The following PTPRN2 variants were observed in gnomAD, a reference collection of about 807,000 sequenced individuals.
The protein encoded by PTPRN2 is receptor-type tyrosine-protein phosphatase N2.
PTPRN2 carries 74 observed loss-of-function variants against 118.8 expected under a neutral mutation model. The ratio of observed to expected loss-of-function variants is 0.62; its 90% CI spans 0.52 to 0.76. PTPRN2 has a LOEUF of 0.76. PTPRN2 is among the 30% of genes least tolerant of loss of function. The pLI is 0.00. For synonymous variants in PTPRN2, 641 were observed against 608.0 expected, an observed-to-expected ratio of 1.05 and a Z score of -0.80; for missense variants, 1,481 against 1,394.4, an observed-to-expected ratio of 1.06 and a Z score of -0.99.
At chr7:157,878,054 T>C (rs994974718) in intron 12 of PTPRN2, among the ~76,000 whole-genome samples, 4 of 152,264 alleles carry the variant, frequency 2.6e-5, no homozygotes, top group Admixed American at 6.5e-5. Flanking sequence ...TCTCTGACTC[T>C]GAAGGGCCTG....
intron 11 of PTPRN2, among the ~76,000 whole-genome samples, chr7:158,071,300 GGTGGAGGTGCCCATGGTA>G (rs1267399679): frequency 6.5e-5 from 7 of 108,064 alleles, no homozygotes; most frequent in Non-Finnish European, 9.4e-5. Flanking sequence ...AGGTGCTCGT[GGTGGAGGTGCCCATGGTA>G]GTGGAGGTGC....
At chr7:158,188,271 C>CG in intron 5 of PTPRN2, among the ~76,000 whole-genome samples, 1 of 110,154 alleles carries the variant, frequency 9.1e-6, no homozygotes, top group African/African-American at 3.6e-5. Context: ...ACGCTCGCCC[C>CG]CTGTATGGGG....
chr7:157,606,167 C>T (rs967714552), intron 15 of PTPRN2, among the ~76,000 whole-genome samples: 1 of 152,218 alleles, frequency 6.6e-6, no homozygotes, highest in Admixed American at 6.5e-5. Context: ...GCTGTGACAG[C>T]GCCCGGGCTC....
chr7:157,608,847 C>T (rs763817658), intron 15 of PTPRN2, among the ~76,000 whole-genome samples: 17 of 152,134 alleles, frequency 1.1e-4, no homozygotes, highest in Non-Finnish European at 1.2e-4. Context: ...AGAGCAATGG[C>T]GGGAACCACA....
rs1464275985 is a variant in PTPRN2, at chr7:158,480,006, C to T, written c.163+9729G>A. 2.0e-5 allele frequency among the ~76,000 whole-genome samples: 3 copies of T among 152,242 alleles called. No homozygotes were observed. In the East Asian group the frequency reaches 5.8e-4, roughly 29 times the overall value. On this transcript the variant is annotated intron_variant, in intron 2 of 22. Coordinates refer to ENST00000389418, the MANE Select transcript of PTPRN2 (RefSeq NM_002847.5). Reference sequence around the variant, plus strand: ...ATTTCCCAATTGGGATTCTAGATTCCAAGAAGGTAGGGTCTGGCAACTGTT... The same window carrying T: ...ATTTCCCAATTGGGATTCTAGATTCTAAGAAGGTAGGGTCTGGCAACTGTT...
At chr7:158,317,014 G>A in intron 2 of PTPRN2, 82 bp from the exon 3 acceptor site, 1 of 1,054,160 alleles carries the variant, frequency 9.5e-7, no homozygotes, top group Non-Finnish European at 1.4e-6. Flanking sequence ...TCCTTGCAAT[G>A]CGTTCTGATC....
Position 157,779,348 on chromosome 7 carries a change from C to G in PTPRN2, c.1789-96411G>C, listed in dbSNP as rs910765911. ...CTGAGGTGAAAGGTCACGTGCTGGT[C>G]GCTTGTGCTGAGCAAGGCCTTGCTT... is the stretch of plus-strand genomic sequence containing the variant. On this transcript the variant is annotated intron_variant, in intron 12 of 22. Transcript: ENST00000389418. The surrounding 1 kb of genome is among the most constrained non-coding windows in gnomAD (Gnocchi z 4.7). 1.3e-5 allele frequency among the ~76,000 whole-genome samples: 2 copies of G among 152,148 alleles called. No individual in the cohort carries two copies. Among genetic ancestry groups the G allele is most frequent in the African/African-American group, 2.4e-5 (1 of 41,430 alleles).
At chr7:158,531,456 G>A (rs1563403356) in intron 1 of PTPRN2, among the ~76,000 whole-genome samples, 1 of 152,220 alleles carries the variant, frequency 6.6e-6, no homozygotes, top group Non-Finnish European at 1.5e-5. Context: ...AGAAACAGCA[G>A]GTGTTCCCTG....
intron 2 of PTPRN2, among the ~76,000 whole-genome samples, chr7:158,422,782 G>A (rs538402516): frequency 4.9e-4 from 74 of 151,556 alleles, no homozygotes; most frequent in African/African-American, 1.7e-3. Context: ...CGTCACACCT[G>A]GGCTGACACT....
At chr7:157,702,370 T>A (rs749554278) in intron 12 of PTPRN2, among the ~76,000 whole-genome samples, 6 of 152,112 alleles carry the variant, frequency 3.9e-5, no homozygotes, top group Non-Finnish European at 7.4e-5. Flanking sequence ...GAAAGCCTGG[T>A]AGGTGCTGGT....
chr7:158,213,205 C>CG (rs1827726720), intron 3 of PTPRN2, among the ~76,000 whole-genome samples: 3 of 94,762 alleles, frequency 3.2e-5, no homozygotes, highest in African/African-American at 9.1e-5. Context: ...TGGCTCTGTG[C>CG]TTGTGTGTGT....
At chr7:158,044,802 G>A (rs1056206052) in intron 11 of PTPRN2, among the ~76,000 whole-genome samples, 2 of 152,162 alleles carry the variant, frequency 1.3e-5, no homozygotes, top group Admixed American at 6.5e-5. Flanking sequence ...ACCATAGGCC[G>A]ACAGGTGCCA....
At chr7:158,138,209 G>T in intron 7 of PTPRN2, 85 bp downstream of exon 7, 3 of 1,206,942 alleles carry the variant, frequency 2.5e-6, no homozygotes, top group Non-Finnish European at 3.5e-6. Flanking sequence ...CATTGCACTT[G>T]GTGAGCCAGC....
rs73165848 is a variant in PTPRN2 at position 157,780,399 on chromosome 7, C to T, written c.1789-97462G>A. Among the ~76,000 whole-genome samples the T allele has an allele frequency of 2.0e-5, 3 of 152,148 alleles. No homozygotes were observed. Among genetic ancestry groups the T allele is most frequent in the African/African-American group, 4.8e-5 (2 of 41,442 alleles). ...TATATAAGGGGTGGCGGCTGCTCAG[C>T]GAGGCCTCAGGAGTGTGAAGGAGGC... On this transcript the variant is annotated intron_variant, in intron 12 of 22. Transcript: ENST00000389418. This position sits in a 1 kb window ranked among gnomAD's most constrained non-coding sequence, Gnocchi z 4.5.
At position 157,868,035 on chromosome 7, in the gene PTPRN2, T is replaced by TA. The variant is rs1200671363; in HGVS notation, c.1788+30637dup. The stretch of plus-strand genomic sequence containing the variant: ...CTGGAGATTAACTCACTGCCGCAGG[T>TA]AGGATCACCTGAGTCCTCTAGGAAC... On this transcript the variant is annotated intron_variant, in intron 12 of 22. Coordinates refer to ENST00000389418, the MANE Select transcript of PTPRN2 (RefSeq NM_002847.5). The surrounding 1 kb of genome is among the most constrained non-coding windows in gnomAD (Gnocchi z 5.2). Among the ~76,000 whole-genome samples the TA allele has an allele frequency of 6.6e-6, 1 of 152,148 alleles. No homozygotes were observed. Among genetic ancestry groups the TA allele is most frequent in the African/African-American group, 2.4e-5 (1 of 41,432 alleles).
At chr7:158,454,803 T>C (rs1818349403) in intron 2 of PTPRN2, among the ~76,000 whole-genome samples, 1 of 152,032 alleles carries the variant, frequency 6.6e-6, no homozygotes, top group Non-Finnish European at 1.5e-5. Context: ...CGAGAGAGCC[T>C]CTTTTGGCCA....
At chr7:157,879,311 C>T (rs908211234) in intron 12 of PTPRN2, among the ~76,000 whole-genome samples, 1 of 152,196 alleles carries the variant, frequency 6.6e-6, no homozygotes, top group African/African-American at 2.4e-5. Context: ...AAAAGCACAG[C>T]CTCCATGAGA....
intron 4 of PTPRN2, among the ~76,000 whole-genome samples, chr7:158,197,671 C>T (rs561454044): frequency 3.9e-5 from 6 of 152,092 alleles, no homozygotes; most frequent in South Asian, 2.1e-4. Flanking sequence ...TCTCAGGAAA[C>T]GTAACAATCA....
intron 1 of PTPRN2, among the ~76,000 whole-genome samples, chr7:158,523,627 CATCTGCCCTGGAGCGGA>C (rs1824451739): frequency 6.8e-5 from 8 of 117,936 alleles, no homozygotes; most frequent in Admixed American, 1.8e-4. Context: ...GGAGTGGAGT[CATCTGCCCTGGAGCGGA>C]GTCTGCCCTG....
Sources: allele counts gnomAD v4.1 joint callset (sites outside exome capture counted in the v4.1 genomes callset), GRCh38; gene constraint gnomAD v4.1.1; non-coding constraint Gnocchi (gnomAD v3.1); transcripts MANE v1.5; gene names NCBI Gene and HGNC (gene_info 2026-07-23, HGNC 2026-07-21).